Variants in MCF2L observed in about 807,000 individuals in gnomAD.
MCF2L encodes guanine nucleotide exchange factor DBS.
MCF2L carries 97 observed loss-of-function variants against 153.4 expected under a neutral mutation model. The observed-to-expected ratio is 0.63, with a 90% CI of 0.54 to 0.75. MCF2L has a LOEUF of 0.75. MCF2L is among the 30% of genes least tolerant of loss of function. The pLI, the probability that MCF2L is intolerant of heterozygous loss-of-function variation, is 0.00. For missense variants in MCF2L, 1,347 were observed against 1,495.2 expected, an observed-to-expected ratio of 0.90 and a Z score of 1.64; for synonymous variants, 659 against 632.2, an observed-to-expected ratio of 1.04 and a Z score of -0.64.
intron 2 of MCF2L, among the ~76,000 whole-genome samples, chr13:112,911,238 G>A (rs551466021): frequency 6.6e-6 from 1 of 152,356 alleles, no homozygotes; most frequent in Non-Finnish European, 1.5e-5. Flanking sequence ...GCTGGGTCTG[G>A]TCAGAGGTGA....
At chr13:113,088,438 G>A in intron 24 of MCF2L, 33 bp downstream of exon 24, 1 of 1,612,392 alleles carries the variant, frequency 6.2e-7, no homozygotes, top group Non-Finnish European at 8.5e-7. Flanking sequence ...GTTTCCCGTA[G>A]CTTCCGCTCC....
chr13:112,968,774 C>T, upstream of MCF2L: 1 of 1,353,018 alleles, frequency 7.4e-7, no homozygotes, highest in Non-Finnish European at 9.4e-7. Context: ...GCTCGGTCCA[C>T]TCGCGGCTTC....
intron 1 of MCF2L, among the ~76,000 whole-genome samples, chr13:112,999,818 A>G (rs1324739400): frequency 6.6e-6 from 1 of 152,172 alleles, no homozygotes; most frequent in Non-Finnish European, 1.5e-5. Flanking sequence ...CCGCCTGATA[A>G]TGTAGGAGTT....
At chr13:112,978,623 G>C (rs888902070) in intron 1 of MCF2L, among the ~76,000 whole-genome samples, 1 of 152,218 alleles carries the variant, frequency 6.6e-6, no homozygotes, top group Non-Finnish European at 1.5e-5. Flanking sequence ...GGGAGCGCCT[G>C]TGCAGGGTGG....
Position 112,942,815 on chromosome 13 carries a change from T to G in MCF2L, c.169+40444T>G, listed in dbSNP as rs1326944330. 4.2e-4 allele frequency among the ~76,000 whole-genome samples: 64 copies of G among 151,914 alleles called. 1 individual carries two copies. Among genetic ancestry groups the G allele is most frequent in the Admixed American group, 4.2e-3 (64 of 15,260 alleles). On this transcript the variant is annotated intron_variant, in intron 2 of 29. Coordinates refer to the MCF2L transcript ENST00000375608. ...TTCTGCTCCCCTATTGTGGGTGACTTAACATTCTCTCCACCCACCTGGTAG... is the reference window on the plus strand; with the variant it reads ...TTCTGCTCCCCTATTGTGGGTGACTGAACATTCTCTCCACCCACCTGGTAG...
intron 1 of MCF2L, among the ~76,000 whole-genome samples, chr13:112,996,652 G>A (rs946862901): frequency 6.6e-6 from 1 of 152,192 alleles, no homozygotes; most frequent in Admixed American, 6.5e-5. Flanking sequence ...CACGGGCCCG[G>A]GAATGTCCTT....
chr13:113,075,180 C>T lies in MCF2L; in HGVS notation c.1299C>T (p.Arg433=). 1 of 1,595,210 alleles carries T rather than the reference C, an allele frequency of 6.3e-7. No homozygotes were observed. The highest frequency in any genetic ancestry group is 8.6e-7 in the Non-Finnish European group (1 of 1,166,562). Reference sequence around the variant, plus strand: ...GCAAGTCCCTGGAGCTGCACCGCCGCCTGGAGACGGTAGGCCGAGCCGGAC... The same window carrying T: ...GCAAGTCCCTGGAGCTGCACCGCCGTCTGGAGACGGTAGGCCGAGCCGGAC... ...LLSKSLELHR[R]LETSMKWCDE... is the part of the protein sequence containing the mutation. Residue 433 remains arginine (R), a synonymous_variant, in exon 11 of 30, where the codon CGC becomes CGT. Coordinates refer to ENST00000535094, the MANE Select transcript of MCF2L (RefSeq NM_001112732.3).
At chr13:112,952,790 T>G (rs990852980) in intron 2 of MCF2L, among the ~76,000 whole-genome samples, 3 of 152,228 alleles carry the variant, frequency 2.0e-5, no homozygotes, top group Middle Eastern at 3.2e-3. Flanking sequence ...ATCAGTTGCA[T>G]CAGCACTCAG....
chr13:113,059,935 G>C (rs2031086547), intron 4 of MCF2L, among the ~76,000 whole-genome samples: 1 of 152,238 alleles, frequency 6.6e-6, no homozygotes, highest in Admixed American at 6.5e-5. Context: ...TTGGTTTCCT[G>C]GGGCCATGGT....
At chr13:113,008,288 T>C (rs1458128920) in intron 1 of MCF2L, among the ~76,000 whole-genome samples, 1 of 152,216 alleles carries the variant, frequency 6.6e-6, no homozygotes, top group Non-Finnish European at 1.5e-5. Context: ...CCATAATGAA[T>C]GTATAATTAA....
chr13:113,032,519 G>A (rs897366608), intron 3 of MCF2L, among the ~76,000 whole-genome samples: 3 of 152,278 alleles, frequency 2.0e-5, no homozygotes, highest in African/African-American at 4.8e-5. Context: ...GCGGTGTGTC[G>A]TGGCGCCCTT....
At chr13:113,094,421 G>GGT (rs2035474662) in intron 26 of MCF2L, 93 bp from the exon 27 acceptor site, 2 of 1,358,816 alleles carry the variant, frequency 1.5e-6, no homozygotes, top group Middle Eastern at 1.9e-4. Context: ...ACACATTTCA[G>GGT]GGGGTCTGTG....
intron 26 of MCF2L, chr13:113,090,410 T>A (rs893139070): frequency 4.1e-6 from 4 of 985,300 alleles, no homozygotes; most frequent in South Asian, 4.7e-5. Context: ...TGTCCTTGGC[T>A]TTCCAGGCCC....
At chr13:113,071,833 G>T (rs2032953664) in intron 9 of MCF2L, among the ~76,000 whole-genome samples, 1 of 152,156 alleles carries the variant, frequency 6.6e-6, no homozygotes, top group Non-Finnish European at 1.5e-5. Context: ...TTTCAAAATT[G>T]TGTTAGCTTC....
intron 4 of MCF2L, among the ~76,000 whole-genome samples, chr13:113,058,302 C>T (rs191428010): frequency 3.7e-4 from 48 of 128,632 alleles, no homozygotes; most frequent in African/African-American, 1.2e-3. Context: ...ACTGAGTGGG[C>T]GTTGAGTGTT....
chr13:112,918,810 TGAC>T (rs1261241513), intron 2 of MCF2L, among the ~76,000 whole-genome samples: 3 of 150,730 alleles, frequency 2.0e-5, no homozygotes, highest in Non-Finnish European at 4.4e-5. Flanking sequence ...GTAAGAGACC[TGAC>T]TGAAGCATCG....
intron 5 of MCF2L, chr13:113,063,947 G>A (rs548996053): frequency 2.5e-4 from 104 of 422,052 alleles, no homozygotes; most frequent in African/African-American, 2.0e-3. Context: ...GGGAGCCTGT[G>A]GCATGGATGA....
At chr13:113,005,710 C>G (rs1025916235) in intron 1 of MCF2L, among the ~76,000 whole-genome samples, 12 of 152,046 alleles carry the variant, frequency 7.9e-5, no homozygotes, top group South Asian at 2.1e-4. Flanking sequence ...CTGAGGTTTG[C>G]TGGGAGTGGA....
chr13:112,950,192 T>C (rs1294370975), intron 2 of MCF2L, among the ~76,000 whole-genome samples: 5 of 152,072 alleles, frequency 3.3e-5, no homozygotes, highest in Admixed American at 1.3e-4. Context: ...CCCAAATATG[T>C]ACAAGACTTT....
Sources: gnomAD v4.1 joint callset for allele counts (sites outside exome capture counted in the v4.1 genomes callset) on GRCh38, gnomAD v4.1.1 for gene constraint, MANE v1.5 for transcripts, NCBI Gene and HGNC (gene_info 2026-07-23, HGNC 2026-07-21) for gene names.